The following PRKACB variants were observed in gnomAD, a reference collection of about 807,000 sequenced individuals.
The protein encoded by PRKACB is protein kinase cAMP-activated catalytic subunit beta, also known as cAMP-dependent protein kinase catalytic subunit beta.
In PRKACB, 16 loss-of-function variants were observed where a neutral mutation model predicts 51.4. That is an observed-to-expected ratio of 0.31 (90% CI 0.21 to 0.47). PRKACB has a LOEUF of 0.47. Ranked by LOEUF, PRKACB falls within the 20% of genes least tolerant of loss-of-function variation. PRKACB has a pLI of 1.00. For synonymous variants in PRKACB, 147 were observed against 154.4 expected (o/e 0.95, Z 0.35); for missense variants, 309 against 464.5 (o/e 0.67, Z 3.08).
intron 5 of PRKACB, among the ~76,000 whole-genome samples, chr1:84,187,579 A>G (rs1451875713): frequency 6.6e-6 from 1 of 152,166 alleles, no homozygotes; most frequent in East Asian, 1.9e-4. Flanking sequence ...GTTTCAGCTA[A>G]CAGGACTTCA....
intron 1 of PRKACB, among the ~76,000 whole-genome samples, chr1:84,115,336 T>C (rs1022160530): frequency 6.6e-6 from 1 of 152,128 alleles, no homozygotes; most frequent in Non-Finnish European, 1.5e-5. Flanking sequence ...TTTTGCAAAA[T>C]GTCTACTCAT....
At chr1:84,125,400 A>T (rs1651487912) in intron 1 of PRKACB, among the ~76,000 whole-genome samples, 1 of 152,050 alleles carries the variant, frequency 6.6e-6, no homozygotes, top group African/African-American at 2.4e-5. Flanking sequence ...TCAAGAGCAA[A>T]TTTTTTTAGA....
rs1676670758 is a variant in PRKACB, at chr1:84,236,460, G to C, written c.*1155G>C. On this transcript the variant is annotated 3_prime_UTR_variant, in exon 10 of 10. Transcript: ENST00000370685. ...GGGTAGGGGCACTGCTGCAACTTCTGCTTTCATCCCATGCCTCATCAATGA... is the reference window on the plus strand; with the variant it reads ...GGGTAGGGGCACTGCTGCAACTTCTCCTTTCATCCCATGCCTCATCAATGA... 6.6e-6 allele frequency: 1 copy of C among 152,610 alleles called. No individual in the cohort carries two copies. The highest frequency in any genetic ancestry group is 2.4e-5 in the African/African-American group (1 of 41,448). 9.5% of individuals were successfully genotyped at this position (152,610 alleles called of 1,614,324 possible). A position where few individuals can be genotyped will look rare whatever the true frequency, so the allele number is the denominator to read the frequency against.
intron 1 of PRKACB, among the ~76,000 whole-genome samples, chr1:84,110,369 CAT>C (rs58010849): frequency 1.3e-5 from 2 of 150,640 alleles, no homozygotes; most frequent in South Asian, 2.1e-4. Flanking sequence ...TGTATGTTTA[CAT>C]ATATATATAT....
chr1:84,142,432 T>C (rs948085900), upstream of PRKACB, among the ~76,000 whole-genome samples: 10 of 152,164 alleles, frequency 6.6e-5, no homozygotes, highest in Non-Finnish European at 1.0e-4. Flanking sequence ...TCTGTAGATA[T>C]TTGTTGAAGA....
At chr1:84,103,367 C>T (rs1340540538) in intron 1 of PRKACB, among the ~76,000 whole-genome samples, 1 of 149,384 alleles carries the variant, frequency 6.7e-6, no homozygotes, top group Non-Finnish European at 1.5e-5. Context: ...TATTCTGAGA[C>T]CAACATGCTG....
At chr1:84,194,480 G>A (rs1449267991) in intron 5 of PRKACB, among the ~76,000 whole-genome samples, 1 of 152,126 alleles carries the variant, frequency 6.6e-6, no homozygotes, top group Non-Finnish European at 1.5e-5. Flanking sequence ...AATCAAATGA[G>A]GCATTATAAT....
chr1:84,091,743 G>A (rs1171122293), intron 1 of PRKACB, among the ~76,000 whole-genome samples: 8 of 152,094 alleles, frequency 5.3e-5, no homozygotes, highest in African/African-American at 9.7e-5. Context: ...GGGTTCAAGC[G>A]ATCCACCCAC....
intron 8 of PRKACB, chr1:84,205,022 T>C (rs957623675): frequency 2.0e-6 from 2 of 983,492 alleles, no homozygotes; most frequent in African/African-American, 3.5e-5. Context: ...CTTAGAAGAA[T>C]GACACCAGAA....
chr1:84,083,489 A>T (rs978165138), intron 1 of PRKACB, among the ~76,000 whole-genome samples: 10 of 152,222 alleles, frequency 6.6e-5, no homozygotes, highest in African/African-American at 2.4e-4. Flanking sequence ...TAGAGGCATG[A>T]AAGCCAGCTT....
chr1:84,135,473 A>G (rs1205495052), intron 1 of PRKACB, among the ~76,000 whole-genome samples: 1 of 152,186 alleles, frequency 6.6e-6, no homozygotes, highest in African/African-American at 2.4e-5. Flanking sequence ...AGAGCAAAAT[A>G]TACATTTTTT....
intron 1 of PRKACB, among the ~76,000 whole-genome samples, chr1:84,113,984 A>G (rs1571631112): frequency 6.6e-6 from 1 of 152,206 alleles, no homozygotes; most frequent in East Asian, 1.9e-4. Context: ...TTTGTGGTAC[A>G]TAAGTTATCT....
At chr1:84,177,289 A>G (rs1293817231) in intron 1 of PRKACB, among the ~76,000 whole-genome samples, 1 of 152,220 alleles carries the variant, frequency 6.6e-6, no homozygotes, top group South Asian at 2.1e-4. Flanking sequence ...TTTTAATTTA[A>G]TTTATAGCCA....
intron 2 of PRKACB, 28 bp from the exon 3 acceptor site, chr1:84,182,172 T>A: frequency 6.9e-7 from 1 of 1,439,802 alleles, no homozygotes; most frequent in Admixed American, 2.2e-5. Flanking sequence ...ACGAGAATTT[T>A]AAATTTTATT....
At chr1:84,193,841 C>A (rs1667469491) in intron 5 of PRKACB, among the ~76,000 whole-genome samples, 1 of 152,122 alleles carries the variant, frequency 6.6e-6, no homozygotes, top group South Asian at 2.1e-4. Context: ...TAATTAAATA[C>A]TGGCATAACT....
intron 1 of PRKACB, among the ~76,000 whole-genome samples, chr1:84,092,332 T>C (rs530727966): frequency 5.3e-5 from 8 of 152,356 alleles, no homozygotes; most frequent in African/African-American, 1.9e-4. Flanking sequence ...CACTTATCCA[T>C]GTTTTTGTCA....
chr1:84,176,002 AT>A (rs1314944257), intron 1 of PRKACB, among the ~76,000 whole-genome samples: 2 of 151,628 alleles, frequency 1.3e-5, no homozygotes, highest in Non-Finnish European at 3.0e-5. Context: ...TCTTTGAAGG[AT>A]TTTTTTCTTA....
At chr1:84,224,821 C>T (rs1168225090) in intron 9 of PRKACB, among the ~76,000 whole-genome samples, 2 of 152,216 alleles carry the variant, frequency 1.3e-5, no homozygotes, top group Non-Finnish European at 2.9e-5. Flanking sequence ...ATCCCCAAGC[C>T]TCCAGACAGT....
intron 1 of PRKACB, among the ~76,000 whole-genome samples, chr1:84,128,690 T>C (rs1651879545): frequency 6.6e-6 from 1 of 152,156 alleles, no homozygotes; most frequent in Non-Finnish European, 1.5e-5. Context: ...ACTAGTGATA[T>C]AGTCAGGGAA....
Sources: gnomAD v4.1 joint callset for allele counts (sites outside exome capture counted in the v4.1 genomes callset) on GRCh38, gnomAD v4.1.1 for gene constraint, MANE v1.5 for transcripts, NCBI Gene and HGNC (gene_info 2026-07-23, HGNC 2026-07-21) for gene names.